COLEC12: variants seen among roughly 807,000 people sequenced by gnomAD.
COLEC12 encodes collectin-12.
In COLEC12, 33 loss-of-function variants were observed where a neutral mutation model predicts 71.1. The ratio of observed to expected loss-of-function variants is 0.46; its 90% confidence interval spans 0.35 to 0.62. COLEC12 has a LOEUF of 0.62. Ranked by LOEUF, COLEC12 falls within the 20% of genes least tolerant of loss-of-function variation. The pLI is 0.00. For synonymous variants in COLEC12, 350 were observed against 353.0 expected (o/e 0.99, Z 0.10); for missense variants, 765 against 916.1 (o/e 0.84, Z 2.13).
At chr18:420,458 T>C (rs1244729419) in intron 2 of COLEC12, among the ~76,000 whole-genome samples, 1 of 151,980 alleles carries the variant, frequency 6.6e-6, no homozygotes, top group Non-Finnish European at 1.5e-5. Flanking sequence ...ATCAACAAAA[T>C]ATATGTAGAT....
At chr18:351,801 C>T (rs12456236) in intron 3 of COLEC12, among the ~76,000 whole-genome samples, 9,562 of 152,138 alleles carry the variant, frequency 0.063, 353 homozygotes, top group South Asian at 0.14. Flanking sequence ...TTGTTACATA[C>T]GTATACATGT....
chr18:495,586 G>A (rs1186400232), intron 1 of COLEC12, among the ~76,000 whole-genome samples: 2 of 152,180 alleles, frequency 1.3e-5, no homozygotes, highest in East Asian at 1.9e-4. Flanking sequence ...CCAGTTTAGA[G>A]CGTCTCCTCC....
Position 346,574 on chromosome 18 carries a change from T to C in COLEC12, c.1048A>G (p.Ile350Val). 6.2e-7 allele frequency: 1 copy of C among 1,614,242 alleles called. No homozygotes were observed. The highest frequency in any genetic ancestry group is 8.5e-7 in the Non-Finnish European group (1 of 1,180,046). ...ETDIVNIISN[I>V]SYTAHHLRTL... is the part of the protein sequence containing the mutation. ...CGCAGGTGGTGGGCTGTGTAACTGA[T>C]ATTGCTAATGATGTTCACAATATCC... Residue 350 changes from isoleucine to valine, a missense_variant, in exon 5 of 10, where the codon ATC (isoleucine) becomes GTC (valine). Coordinates refer to ENST00000400256, the MANE Select transcript of COLEC12 (RefSeq NM_130386.3). This position sits in a 1 kb window ranked among gnomAD's most constrained non-coding sequence, Gnocchi z 4.0.
intron 9 of COLEC12, among the ~76,000 whole-genome samples, chr18:321,267 T>G (rs1029918435): frequency 8.5e-5 from 13 of 152,194 alleles, no homozygotes; most frequent in African/African-American, 2.9e-4. Context: ...TTGGCCAGAC[T>G]GGTCTCAAAC....
chr18:369,478 T>A (rs1342128556), intron 2 of COLEC12, among the ~76,000 whole-genome samples: 1 of 150,232 alleles, frequency 6.7e-6, no homozygotes, highest in African/African-American at 2.5e-5. Flanking sequence ...CTTTAAGTTT[T>A]AGGGTACATG....
At chr18:361,121 T>C (rs1478477772) in intron 2 of COLEC12, among the ~76,000 whole-genome samples, 3 of 152,210 alleles carry the variant, frequency 2.0e-5, no homozygotes, top group African/African-American at 7.2e-5. Flanking sequence ...TTCATCATGA[T>C]CATCATCATC....
chr18:456,943 G>A (rs1484536530), intron 2 of COLEC12, among the ~76,000 whole-genome samples: 3 of 152,172 alleles, frequency 2.0e-5, no homozygotes, highest in South Asian at 2.1e-4. Flanking sequence ...CCTTGGTGAA[G>A]TGCCAGCCCT....
intron 2 of COLEC12, among the ~76,000 whole-genome samples, chr18:419,950 C>G (rs1916063829): frequency 6.6e-6 from 1 of 152,154 alleles, no homozygotes; most frequent in Non-Finnish European, 1.5e-5. Flanking sequence ...TTCTTGGAGC[C>G]CTTGCAAGAT....
chr18:432,341 G>A (rs1320579948), intron 2 of COLEC12, among the ~76,000 whole-genome samples: 2 of 152,046 alleles, frequency 1.3e-5, no homozygotes, highest in Non-Finnish European at 2.9e-5. Context: ...CAGCGAAAGA[G>A]GAAACAGAGC....
At chr18:364,122 G>A (rs1227974727) in intron 2 of COLEC12, among the ~76,000 whole-genome samples, 1 of 152,090 alleles carries the variant, frequency 6.6e-6, no homozygotes, top group African/African-American at 2.4e-5. Flanking sequence ...TGTTTTCATT[G>A]AAATTTTTTC....
chr18:355,473 T>C (rs1914611417), intron 3 of COLEC12, among the ~76,000 whole-genome samples: 1 of 151,986 alleles, frequency 6.6e-6, no homozygotes, highest in African/African-American at 2.4e-5. Flanking sequence ...AGGGAGGAAA[T>C]ATCTGTACCT....
chr18:379,855 A>G (rs9947046), intron 2 of COLEC12, among the ~76,000 whole-genome samples: 4,266 of 152,262 alleles, frequency 0.028, 200 homozygotes, highest in African/African-American at 0.094. Flanking sequence ...CGCAGGACGA[A>G]AGCCATCTGG....
At chr18:421,627 T>C (rs994766411) in intron 2 of COLEC12, among the ~76,000 whole-genome samples, 1 of 152,178 alleles carries the variant, frequency 6.6e-6, no homozygotes, top group Non-Finnish European at 1.5e-5. Context: ...GCATGAGTAA[T>C]GCACAGAAAG....
intron 5 of COLEC12, among the ~76,000 whole-genome samples, chr18:337,072 T>C (rs1294629804): frequency 6.6e-6 from 1 of 151,928 alleles, no homozygotes; most frequent in Non-Finnish European, 1.5e-5. Context: ...GCTCTCACTG[T>C]GTTGCCAAGG....
intron 2 of COLEC12, among the ~76,000 whole-genome samples, chr18:478,454 A>C (rs1019375377): frequency 6.6e-6 from 1 of 152,118 alleles, no homozygotes; most frequent in African/African-American, 2.4e-5. Context: ...CTCTACAAAA[A>C]ATTTAAAAAT....
intron 2 of COLEC12, among the ~76,000 whole-genome samples, chr18:412,909 T>C (rs1383110467): frequency 6.6e-6 from 1 of 152,056 alleles, no homozygotes; most frequent in Non-Finnish European, 1.5e-5. Flanking sequence ...AACAGAGCTA[T>C]AAAAAACAGG....
intron 2 of COLEC12, among the ~76,000 whole-genome samples, chr18:456,446 G>C (rs546810611): frequency 6.6e-6 from 1 of 152,264 alleles, no homozygotes; most frequent in Admixed American, 6.5e-5. Context: ...ACACAAGGAG[G>C]GAAAGGCCGC....
At chr18:494,633 T>G (rs892834744) in intron 1 of COLEC12, among the ~76,000 whole-genome samples, 1 of 152,208 alleles carries the variant, frequency 6.6e-6, no homozygotes, top group Admixed American at 6.5e-5. Context: ...TTTTATGAGA[T>G]GGTTATATTT....
chr18:324,459 T>C (rs930615824), intron 8 of COLEC12, among the ~76,000 whole-genome samples: 5 of 151,720 alleles, frequency 3.3e-5, no homozygotes, highest in Non-Finnish European at 5.9e-5. Context: ...TGGAAATGCT[T>C]GGACTGATTG....
Sources: allele counts gnomAD v4.1 joint callset (sites outside exome capture counted in the v4.1 genomes callset), GRCh38; gene constraint gnomAD v4.1.1; non-coding constraint Gnocchi (gnomAD v3.1); transcripts MANE v1.5; gene names NCBI Gene and HGNC (gene_info 2026-07-23, HGNC 2026-07-21).